The following FHIP2A variants were observed in gnomAD, a reference collection of about 807,000 sequenced individuals.
FHIP2A encodes FHF complex subunit HOOK interacting protein 2A, also known as family with sequence similarity 160 member B1.
In FHIP2A, 46 loss-of-function variants were observed where a neutral mutation model predicts 93.5. That is an observed-to-expected ratio of 0.49 (90% CI 0.39 to 0.63). FHIP2A has a LOEUF of 0.63. Ranked by LOEUF, FHIP2A falls within the 20% of genes least tolerant of loss-of-function variation. FHIP2A has a pLI of 0.00. For missense variants in FHIP2A, 769 were observed against 909.7 expected, an observed-to-expected ratio of 0.85 and a Z score of 1.99; for synonymous variants, 332 against 326.5, an observed-to-expected ratio of 1.02 and a Z score of -0.18.
At chr10:114,896,191 C>G (rs75210259) in intron 16 of FHIP2A, among the ~76,000 whole-genome samples, 4,608 of 151,930 alleles carry the variant, frequency 0.03, 80 homozygotes, top group South Asian at 0.046. Flanking sequence ...CTTAGTACTT[C>G]TATGCACAAT....
Position 114,861,818 on chromosome 10 carries a change from A to G in FHIP2A, c.*278A>G. The G allele has an allele frequency of 9.3e-7, 1 of 1,071,498 alleles. No individual in the cohort carries two copies. Among genetic ancestry groups the G allele is most frequent in the Non-Finnish European group, 1.1e-6 (1 of 884,668 alleles). The allele number at this position is 1,071,498 out of a possible 1,614,324, so 66.4% of individuals were successfully genotyped here. On this transcript the variant is annotated 3_prime_UTR_variant, in exon 17 of 17. Coordinates refer to ENST00000369248, the MANE Select transcript of FHIP2A (RefSeq NM_020940.4). ...GAACTTCAGGAAATAAGCATTTCTA[A>G]TGACTGTGAAAAGCTGCAATATTTC...
chr10:114,835,520 T>A lies in FHIP2A; in HGVS notation c.295-17T>A. ...GTCTGTTGTTTTCCTGTTGGCTTCC[T>A]TTTTTCCTATACCCAGTGTCCTCCG... On this transcript the variant is annotated splice_polypyrimidine_tract_variant and intron_variant, in intron 3 of 16. Coordinates refer to ENST00000369248, the MANE Select transcript of FHIP2A (RefSeq NM_020940.4). 6.6e-7 allele frequency: 1 copy of A among 1,520,700 alleles called. No individual in the cohort carries two copies. The highest frequency in any genetic ancestry group is 9.1e-7 in the Non-Finnish European group (1 of 1,102,746). 94.2% of individuals were successfully genotyped at this position (1,520,700 alleles called of 1,614,324 possible). A position where few individuals can be genotyped will look rare whatever the true frequency, so the allele number is the denominator to read the frequency against.
At chr10:114,873,887 C>A (rs1043297904) in intron 16 of FHIP2A, among the ~76,000 whole-genome samples, 1 of 151,946 alleles carries the variant, frequency 6.6e-6, no homozygotes, top group Non-Finnish European at 1.5e-5. Flanking sequence ...TAGGATCAGC[C>A]ATTTCTCCAA....
chr10:114,886,047 A>T (rs1352615958), intron 16 of FHIP2A, among the ~76,000 whole-genome samples: 1 of 152,236 alleles, frequency 6.6e-6, no homozygotes, highest in Admixed American at 6.5e-5. Flanking sequence ...AAAGCGTCTT[A>T]GTGTCTCCTC....
Position 114,863,470 on chromosome 10 carries a change from C to T in FHIP2A, c.*1930C>T. Reference sequence around the variant, plus strand: ...TCCACTATGGGACCTTATAACTAGTCCATGAAACCAAGCTCAGAAAAGCTT... The same window carrying T: ...TCCACTATGGGACCTTATAACTAGTTCATGAAACCAAGCTCAGAAAAGCTT... On this transcript the variant is annotated 3_prime_UTR_variant, in exon 17 of 17. Coordinates refer to ENST00000369248, the MANE Select transcript of FHIP2A (RefSeq NM_020940.4). The T allele has an allele frequency of 8.9e-7, 1 of 1,121,314 alleles. No homozygotes were observed. 69.5% of individuals were successfully genotyped at this position (1,121,314 alleles called of 1,614,324 possible).
chr10:114,890,865 G>C (rs951947864), intron 16 of FHIP2A, among the ~76,000 whole-genome samples: 1 of 150,248 alleles, frequency 6.7e-6, no homozygotes, highest in Admixed American at 6.7e-5. Flanking sequence ...GAGGTTTTTG[G>C]TGTGATAATA....
chr10:114,857,314 C>CTTTTTTTTTTTTTT lies in FHIP2A; in HGVS notation c.1947+1986_1947+1987insTTTTTTTTTTTTTT, dbSNP rs78583275. On this transcript the variant is annotated intron_variant, in intron 14 of 16. Coordinates refer to ENST00000369248, the MANE Select transcript of FHIP2A (RefSeq NM_020940.4). ...TTTCTTTCTCTCCCTATTTCTTCTT[C>CTTTTTTTTTTTTTT]TTTTTTTTTTTTCTGAGACCGAGTC... 3.0e-4 allele frequency among the ~76,000 whole-genome samples: 36 copies of CTTTTTTTTTTTTTT among 120,704 alleles called. 2 individuals carry two copies. Among genetic ancestry groups the CTTTTTTTTTTTTTT allele is most frequent in the African/African-American group, 5.3e-4 (18 of 33,722 alleles). The allele number at this position is 120,704 out of a possible 152,430, so 79.2% of individuals were successfully genotyped here. A position where few individuals can be genotyped will look rare whatever the true frequency, so the allele number is the denominator to read the frequency against.
chr10:114,822,248 TGA>T, intron 1 of FHIP2A, 125 bp downstream of exon 1: 1 of 451,476 alleles, frequency 2.2e-6, no homozygotes, highest in Non-Finnish European at 3.1e-6. Context: ...CCGGTTGGGG[TGA>T]GGCCCCAGGC....
intron 16 of FHIP2A, among the ~76,000 whole-genome samples, chr10:114,897,109 T>C (rs2084004983): frequency 6.6e-6 from 1 of 152,262 alleles, no homozygotes; most frequent in South Asian, 2.1e-4. Context: ...CTGGCATGCT[T>C]ATACTGGTCC....
In FHIP2A at chr10:114,836,135, A is replaced by G; in HGVS notation, c.411A>G (p.Arg137=). The G allele has an allele frequency of 1.3e-6, 2 of 1,579,482 alleles. No homozygotes were observed. The highest frequency in any genetic ancestry group is 1.7e-6 in the Non-Finnish European group (2 of 1,156,218). ...AATTGTTTTCACAGAAATTAATTAGACTCTGTGGTGAAGTCCTAGCAACAC... is the reference window on the plus strand; with the variant it reads ...AATTGTTTTCACAGAAATTAATTAGGCTCTGTGGTGAAGTCCTAGCAACAC... ...NVHRPVQKLI[R]LCGEVLATPT... The change falls in exon 5 of 17, where the codon AGA becomes AGG. Residue 137 remains arginine, a synonymous_variant. Coordinates refer to ENST00000369248, the MANE Select transcript of FHIP2A (RefSeq NM_020940.4).
At chr10:114,896,534 C>G (rs1049154098) in intron 16 of FHIP2A, among the ~76,000 whole-genome samples, 1 of 152,240 alleles carries the variant, frequency 6.6e-6, no homozygotes, top group African/African-American at 2.4e-5. Context: ...CCTCTGCTCA[C>G]TGAGATAGAT....
chr10:114,835,470 G>T (rs1295927750), intron 3 of FHIP2A, 67 bp from the exon 4 acceptor site: 5 of 911,248 alleles, frequency 5.5e-6, no homozygotes, highest in Non-Finnish European at 8.8e-6. Flanking sequence ...AATTTTTTAA[G>T]CTTTTCAGTA....
chr10:114,828,105 CATAA>C (rs977363373), intron 1 of FHIP2A, among the ~76,000 whole-genome samples: 2 of 151,874 alleles, frequency 1.3e-5, no homozygotes, highest in African/African-American at 4.8e-5. Context: ...GAAAGTTTTA[CATAA>C]ATAAGGACAT....
chr10:114,896,901 T>A (rs2143016680), intron 16 of FHIP2A, among the ~76,000 whole-genome samples: 1 of 152,338 alleles, frequency 6.6e-6, no homozygotes, highest in Middle Eastern at 3.4e-3. Context: ...TTGTTATATG[T>A]GTATGTAAAA....
rs892852911 is a variant in FHIP2A at position 114,878,599 on chromosome 10, C to T, written c.2192+17265C>T. On this transcript the variant is annotated intron_variant, in intron 16 of 16. Coordinates refer to the FHIP2A transcript ENST00000369250. ...TTCAAGACCAGCCTGGCCAACATGG[C>T]GAAACCCCGTCTCTACTAAAAATAC... 1.8e-4 allele frequency among the ~76,000 whole-genome samples: 28 copies of T among 151,738 alleles called. 1 individual carries two copies. The highest frequency in any genetic ancestry group is 1.4e-3 in the Admixed American group (21 of 15,218).
intron 16 of FHIP2A, among the ~76,000 whole-genome samples, chr10:114,874,519 G>C (rs1268887218): frequency 6.6e-6 from 1 of 151,826 alleles, no homozygotes. Flanking sequence ...TTTTCTTTTT[G>C]GAGATGGAGT....
At chr10:114,875,753 A>G (rs1024767641) in intron 16 of FHIP2A, among the ~76,000 whole-genome samples, 1 of 150,666 alleles carries the variant, frequency 6.6e-6, no homozygotes, top group Admixed American at 6.6e-5. Flanking sequence ...AGAAAGAAAG[A>G]GAAAGAAAGA....
downstream of FHIP2A, among the ~76,000 whole-genome samples, chr10:114,865,177 G>A (rs1045828885): frequency 1.3e-5 from 2 of 151,866 alleles, no homozygotes; most frequent in African/African-American, 4.8e-5. Context: ...TAGTAGAGAC[G>A]GGGTTTTACC....
At chr10:114,843,314 T>A (rs1227565915) in intron 6 of FHIP2A, 88 bp downstream of exon 6, 3 of 913,022 alleles carry the variant, frequency 3.3e-6, no homozygotes, top group Admixed American at 8.1e-5. Flanking sequence ...TTTAATTTAT[T>A]TTTTTTTTTG....
Sources: gnomAD v4.1 joint callset for allele counts (sites outside exome capture counted in the v4.1 genomes callset) on GRCh38, gnomAD v4.1.1 for gene constraint, MANE v1.5 for transcripts, NCBI Gene and HGNC (gene_info 2026-07-23, HGNC 2026-07-21) for gene names.